Variants in RGS17 observed in about 807,000 individuals in gnomAD.
RGS17 encodes the protein regulator of G protein signaling 17, also known as regulator of G-protein signaling 17.
A neutral mutation model predicts 25.5 loss-of-function variants in RGS17; 12 were observed. The ratio of observed to expected loss-of-function variants is 0.47; its 90% CI spans 0.30 to 0.76. RGS17 has a LOEUF of 0.76. RGS17 is among the 30% of genes least tolerant of loss of function. The pLI is 0.07. For synonymous variants in RGS17, 71 were observed against 76.9 expected, an observed-to-expected ratio of 0.92 and a Z score of 0.40; for missense variants, 196 against 242.2, an observed-to-expected ratio of 0.81 and a Z score of 1.27.
intron 1 of RGS17, among the ~76,000 whole-genome samples, chr6:153,122,455 T>C (rs7760549): frequency 0.11 from 16,937 of 152,158 alleles, 1,044 homozygotes; most frequent in East Asian, 0.18. Context: ...GAAAGTAATT[T>C]AGTTTAAAAT....
intron 1 of RGS17, among the ~76,000 whole-genome samples, chr6:153,067,413 C>A (rs889965980): frequency 3.9e-5 from 6 of 151,974 alleles, no homozygotes; most frequent in Admixed American, 6.6e-5. Flanking sequence ...TTGGAAAAAC[C>A]TAAAGATTCC....
intron 1 of RGS17, among the ~76,000 whole-genome samples, chr6:153,118,067 T>G (rs1404755069): frequency 7.2e-5 from 11 of 152,136 alleles, no homozygotes; most frequent in Non-Finnish European, 1.5e-4. Context: ...GGGGACAGCT[T>G]GTTAGGCAGA....
At chr6:153,041,414 A>C (rs1387875000) in intron 2 of RGS17, among the ~76,000 whole-genome samples, 1 of 152,192 alleles carries the variant, frequency 6.6e-6, no homozygotes, top group Non-Finnish European at 1.5e-5. Flanking sequence ...GAGTTGATGC[A>C]GCTTCCGAAA....
rs35696147 is a variant in RGS17 at position 153,006,426 on chromosome 6, C to CT, written c.*5147_*5148insA. The CT allele has an allele frequency of 1.7e-4, 26 of 151,032 alleles. No homozygotes were observed. The highest frequency in any genetic ancestry group is 4.6e-4 in the Admixed American group (7 of 15,088). The allele number at this position is 151,032 out of a possible 1,614,324, so 9.4% of individuals were successfully genotyped here. A position where few individuals can be genotyped will look rare whatever the true frequency, so the allele number is the denominator to read the frequency against. The stretch of plus-strand genomic sequence containing the variant: ...GTATATCCATTTATCATCTATCTAT[C>CT]ATCTATCTATCAATCATCTATCTAT... On this transcript the variant is annotated 3_prime_UTR_variant, in exon 5 of 5. Transcript: ENST00000206262.
intron 1 of RGS17, among the ~76,000 whole-genome samples, chr6:153,113,522 G>A (rs1164429381): frequency 3.3e-5 from 5 of 152,108 alleles, no homozygotes; most frequent in Non-Finnish European, 7.4e-5. Context: ...ACAGATCAAC[G>A]AGACAGAAAA....
chr6:153,045,544 T>G (rs896242721), intron 1 of RGS17, among the ~76,000 whole-genome samples: 1 of 152,174 alleles, frequency 6.6e-6, no homozygotes, highest in African/African-American at 2.4e-5. Context: ...ATAAAAGAGC[T>G]GCTTCAAGAC....
intron 1 of RGS17, among the ~76,000 whole-genome samples, chr6:153,088,207 G>A (rs1006807464): frequency 4.6e-5 from 7 of 152,154 alleles, no homozygotes; most frequent in South Asian, 2.1e-4. Context: ...TGCCCACAGC[G>A]AACACCTTAA....
rs980864376 is a variant in RGS17 at position 153,086,657 on chromosome 6, A to G, written c.-25-42614T>C. Among the ~76,000 whole-genome samples, 16 of 152,344 alleles carry G rather than the reference A, an allele frequency of 1.1e-4. No individual in the cohort carries two copies. In the East Asian group the frequency reaches 1.2e-3, roughly 11 times the overall value. On this transcript the variant is annotated intron_variant, in intron 1 of 4. Transcript: ENST00000206262. ...TCACTTAACTGTCACAAACACATCAAGAGGTAGGCATTATTATTTAACTAA... is the reference window on the plus strand; with the variant it reads ...TCACTTAACTGTCACAAACACATCAGGAGGTAGGCATTATTATTTAACTAA...
intron 1 of RGS17, among the ~76,000 whole-genome samples, chr6:153,064,875 A>G (rs1053430696): frequency 9.9e-5 from 15 of 152,178 alleles, no homozygotes; most frequent in Non-Finnish European, 2.1e-4. Flanking sequence ...AAAAGAAGAC[A>G]AGAAGGAAAG....
rs1333539595 is a variant in RGS17 at position 153,004,555 on chromosome 6, G to A, written c.*7019C>T. ...AACATCCATAGGTTTCCACAATCTA[G>A]TAAAATGAAAACAGCTGTATTTTGA... On this transcript the variant is annotated 3_prime_UTR_variant, in exon 5 of 5. Transcript: ENST00000206262. 6.6e-6 allele frequency: 1 copy of A among 152,084 alleles called. No individual in the cohort carries two copies. Among genetic ancestry groups the A allele is most frequent in the African/African-American group, 2.4e-5 (1 of 41,432 alleles). The allele number at this position is 152,084 out of a possible 1,614,324, so 9.4% of individuals were successfully genotyped here.
At chr6:153,050,142 A>G (rs1334258294) in intron 1 of RGS17, among the ~76,000 whole-genome samples, 3 of 152,228 alleles carry the variant, frequency 2.0e-5, no homozygotes, top group African/African-American at 7.2e-5. Flanking sequence ...AAATAAACTC[A>G]AAACATGAAT....
intron 1 of RGS17, among the ~76,000 whole-genome samples, chr6:153,082,693 C>G (rs1777002417): frequency 6.6e-6 from 1 of 152,076 alleles, no homozygotes; most frequent in African/African-American, 2.4e-5. Context: ...TTTCTCCTGG[C>G]TAAGAATCAT....
chr6:153,126,967 G>A (rs1254587213), intron 1 of RGS17, among the ~76,000 whole-genome samples: 3 of 152,122 alleles, frequency 2.0e-5, no homozygotes, highest in Non-Finnish European at 4.4e-5. Flanking sequence ...CAACCTTTTT[G>A]GCACCAGGGA....
At chr6:153,055,717 T>G (rs1776544944) in intron 1 of RGS17, among the ~76,000 whole-genome samples, 1 of 152,172 alleles carries the variant, frequency 6.6e-6, no homozygotes, top group African/African-American at 2.4e-5. Context: ...CCCTCAAAGC[T>G]TAGGCAAATT....
At chr6:153,120,214 T>C (rs577381811) in intron 1 of RGS17, among the ~76,000 whole-genome samples, 29 of 152,330 alleles carry the variant, frequency 1.9e-4, no homozygotes, top group African/African-American at 7.0e-4. Context: ...CTTAATCAAA[T>C]AATATCCCTG....
At chr6:153,108,542 T>C (rs1213039108) in intron 1 of RGS17, among the ~76,000 whole-genome samples, 2 of 151,934 alleles carry the variant, frequency 1.3e-5, no homozygotes, top group African/African-American at 4.8e-5. Flanking sequence ...TCAGATGCTA[T>C]GAGCCATATA....
At chr6:153,052,391 T>C (rs1270603349) in intron 1 of RGS17, among the ~76,000 whole-genome samples, 1 of 152,124 alleles carries the variant, frequency 6.6e-6, no homozygotes, top group Non-Finnish European at 1.5e-5. Context: ...TTCTTTCCTA[T>C]TCCTTTGCTT....
intron 1 of RGS17, among the ~76,000 whole-genome samples, chr6:153,079,686 T>C (rs767422377): frequency 2.6e-5 from 4 of 152,160 alleles, no homozygotes; most frequent in Admixed American, 6.5e-5. Flanking sequence ...CTTTTCTATA[T>C]ATTGCTGGAT....
At position 153,049,671 on chromosome 6, in the gene RGS17, A is replaced by G. The variant is rs573319349; in HGVS notation, c.-25-5628T>C. Among the ~76,000 whole-genome samples, 27 of 152,184 alleles carry G rather than the reference A, an allele frequency of 1.8e-4. No individual in the cohort carries two copies. In the East Asian group the frequency reaches 4.8e-3, roughly 27 times the overall value. On this transcript the variant is annotated intron_variant, in intron 1 of 4. Coordinates refer to ENST00000206262, the MANE Select transcript of RGS17 (RefSeq NM_012419.5). ...GAGGCTGAGGCAGGAGAATGGCATG[A>G]ACCTGGGAGGAGGAGCTTGCAGTGA...
Sources: gnomAD v4.1 joint callset for allele counts (sites outside exome capture counted in the v4.1 genomes callset) on GRCh38, gnomAD v4.1.1 for gene constraint, MANE v1.5 for transcripts, NCBI Gene and HGNC (gene_info 2026-07-23, HGNC 2026-07-21) for gene names.